Variants in NECAB1 observed in about 807,000 individuals in gnomAD.
NECAB1 encodes N-terminal EF-hand calcium-binding protein 1.
A neutral mutation model predicts 57.5 loss-of-function variants in NECAB1; 29 were observed. That is an observed-to-expected ratio of 0.50 (90% CI 0.38 to 0.69). The LOEUF is 0.69. Ranked by LOEUF, NECAB1 falls within the 30% of genes least tolerant of loss-of-function variation. The pLI is 0.00. For synonymous variants in NECAB1, 142 were observed against 147.7 expected (o/e 0.96, Z 0.28); for missense variants, 372 against 413.8 (o/e 0.90, Z 0.88).
intron 4 of NECAB1, among the ~76,000 whole-genome samples, chr8:90,880,832 G>A (rs1808823337): frequency 6.6e-6 from 1 of 152,070 alleles, no homozygotes; most frequent in African/African-American, 2.4e-5. Flanking sequence ...TAATCATTCA[G>A]ATTTCCTTTT....
At chr8:90,844,837 A>G (rs1352310960) in intron 3 of NECAB1, among the ~76,000 whole-genome samples, 1 of 152,216 alleles carries the variant, frequency 6.6e-6, no homozygotes, top group East Asian at 1.9e-4. Flanking sequence ...TTTTAATTGA[A>G]AAGTTAAAAA....
At chr8:90,814,747 C>T (rs933705337) in intron 2 of NECAB1, among the ~76,000 whole-genome samples, 6 of 152,002 alleles carry the variant, frequency 3.9e-5, no homozygotes, top group Non-Finnish European at 8.8e-5. Context: ...ATGCTTCAGG[C>T]TCATCTTTTA....
intron 6 of NECAB1, 119 bp from the exon 7 acceptor site, chr8:90,925,416 C>A: frequency 8.9e-7 from 1 of 1,120,654 alleles, no homozygotes; most frequent in South Asian, 1.6e-5. Flanking sequence ...CAGTCATTCT[C>A]ATAAGTTTTC....
intron 2 of NECAB1, among the ~76,000 whole-genome samples, chr8:90,817,045 C>T (rs914332270): frequency 3.3e-5 from 5 of 151,726 alleles, no homozygotes; most frequent in Non-Finnish European, 7.4e-5. Context: ...GTTGGATCTA[C>T]ACCAAACTAT....
At chr8:90,924,736 A>G (rs1257938302) in intron 6 of NECAB1, among the ~76,000 whole-genome samples, 1 of 152,174 alleles carries the variant, frequency 6.6e-6, no homozygotes, top group East Asian at 1.9e-4. Context: ...GACAAAAGGG[A>G]TCCCTTCTAG....
intron 3 of NECAB1, among the ~76,000 whole-genome samples, chr8:90,852,569 A>T (rs754605569): frequency 4.6e-5 from 7 of 151,932 alleles, no homozygotes; most frequent in Admixed American, 1.3e-4. Context: ...TTCCTAAACC[A>T]CCCATGGCCC....
At chr8:90,936,350 A>C (rs1413324001) in intron 9 of NECAB1, among the ~76,000 whole-genome samples, 2 of 152,188 alleles carry the variant, frequency 1.3e-5, no homozygotes, top group African/African-American at 4.8e-5. Flanking sequence ...TTGAAATGCT[A>C]ATCTTTACTG....
At chr8:90,845,638 A>G (rs1812542126) in intron 3 of NECAB1, among the ~76,000 whole-genome samples, 1 of 152,252 alleles carries the variant, frequency 6.6e-6, no homozygotes, top group Non-Finnish European at 1.5e-5. Context: ...ACCTCAAGGT[A>G]CAACACAGTA....
At chr8:90,845,151 A>G (rs1812532033) in intron 3 of NECAB1, among the ~76,000 whole-genome samples, 1 of 152,172 alleles carries the variant, frequency 6.6e-6, no homozygotes, top group Non-Finnish European at 1.5e-5. Context: ...TACTTTGTCC[A>G]TATTCCTTTG....
At position 90,791,925 on chromosome 8, in the gene NECAB1, C is replaced by G; in HGVS notation, c.39C>G (p.Asn13Lys). ...AGGAGACATCGCCGTCCTCCAACAA[C>G]TCCTCGGAGGAGCTCAGCTCTGCTC... ...DSQETSPSSN[N>K]SSEELSSALH... is the part of the protein sequence containing the mutation. Residue 13 changes from asparagine to lysine, a missense_variant, in exon 1 of 13, where the codon AAC (asparagine) becomes AAG (lysine). Asn to Lys is a moderately conservative substitution (Grantham distance 94). Coordinates refer to ENST00000417640, the MANE Select transcript of NECAB1 (RefSeq NM_022351.5). 6.4e-7 allele frequency: 1 copy of G among 1,552,558 alleles called. No homozygotes were observed. The highest frequency in any genetic ancestry group is 8.7e-7 in the Non-Finnish European group (1 of 1,147,534).
Position 90,891,540 on chromosome 8 carries a change from A to T in NECAB1, c.357+10410A>T, listed in dbSNP as rs182715536. ...ACAAATATTACCTATTCCCATATATAAAAAAATGTAATAGAACCAAGAATT... is the reference window on the plus strand; with the variant it reads ...ACAAATATTACCTATTCCCATATATTAAAAAATGTAATAGAACCAAGAATT... On this transcript the variant is annotated intron_variant, in intron 5 of 12. Transcript: ENST00000417640. Among the ~76,000 whole-genome samples, 675 of 152,164 alleles carry T rather than the reference A, an allele frequency of 4.4e-3. 4 individuals carry two copies. Among genetic ancestry groups the T allele is most frequent in the Middle Eastern group, 0.01 (3 of 294 alleles).
At position 90,795,867 on chromosome 8, in the gene NECAB1, A is replaced by T. The variant is rs191167579; in HGVS notation, c.99+3882A>T. ...AAACAGCAGAAATTAGGAAAAAAAA[A>T]TTTAATGCATGCTGGGCTTAATACC... is the stretch of plus-strand genomic sequence containing the variant. On this transcript the variant is annotated intron_variant, in intron 1 of 12. Transcript: ENST00000417640. Among the ~76,000 whole-genome samples, 363 of 152,272 alleles carry T rather than the reference A, an allele frequency of 2.4e-3. 3 individuals carry two copies. The highest frequency in any genetic ancestry group is 8.1e-3 in the African/African-American group (335 of 41,540).
intron 6 of NECAB1, among the ~76,000 whole-genome samples, chr8:90,922,341 T>C (rs1810135489): frequency 6.6e-6 from 1 of 152,144 alleles, no homozygotes; most frequent in African/African-American, 2.4e-5. Context: ...TTGATAGTTG[T>C]CTATTATAGA....
intron 5 of NECAB1, among the ~76,000 whole-genome samples, chr8:90,886,614 A>C (rs1808998973): frequency 6.6e-6 from 1 of 151,916 alleles, no homozygotes; most frequent in Non-Finnish European, 1.5e-5. Context: ...CAAACTCCTG[A>C]GCTCAGGTGA....
chr8:90,955,249 C>T (rs1031458106), intron 12 of NECAB1, among the ~76,000 whole-genome samples: 1 of 149,082 alleles, frequency 6.7e-6, no homozygotes, highest in Non-Finnish European at 1.5e-5. Context: ...AAGTTCTATT[C>T]ACATAGAACA....
At chr8:90,851,172 C>G (rs529821453) in intron 3 of NECAB1, among the ~76,000 whole-genome samples, 19 of 152,342 alleles carry the variant, frequency 1.2e-4, no homozygotes, top group Middle Eastern at 6.8e-3. Flanking sequence ...CATGGAAGCT[C>G]CATGCACCAC....
At chr8:90,882,642 T>C (rs1808866551) in intron 5 of NECAB1, among the ~76,000 whole-genome samples, 1 of 152,136 alleles carries the variant, frequency 6.6e-6, no homozygotes, top group Admixed American at 6.5e-5. Context: ...CTCTGACCAC[T>C]CTATCTAAAA....
rs184292899 is a variant in NECAB1 at position 90,925,399 on chromosome 8, T to G, written c.495-136T>G. ...AAATTACATTGGGTTTCTAGAGCAT[T>G]TACAAGCAGTCATTCTCATAAGTTT... On this transcript the variant is annotated intron_variant, in intron 6 of 12. Transcript: ENST00000417640. 295 of 899,990 alleles carry G rather than the reference T, an allele frequency of 3.3e-4. 2 individuals are homozygous for G. Among genetic ancestry groups the G allele is most frequent in the Non-Finnish European group, 4.3e-4 (261 of 604,594 alleles). The allele number at this position is 899,990 out of a possible 1,614,324, so 55.8% of individuals were successfully genotyped here.
At position 90,957,193 on chromosome 8, in the gene NECAB1, CTT is replaced by C. The variant is rs952511533; in HGVS notation, c.*1683_*1684del. 1 of 151,958 alleles carries C rather than the reference CTT, an allele frequency of 6.6e-6. No homozygotes were observed. The highest frequency in any genetic ancestry group is 1.5e-5 in the Non-Finnish European group (1 of 67,922). 9.4% of individuals were successfully genotyped at this position (151,958 alleles called of 1,614,324 possible). A position where few individuals can be genotyped will look rare whatever the true frequency, so the allele number is the denominator to read the frequency against. On this transcript the variant is annotated 3_prime_UTR_variant, in exon 13 of 13. Coordinates refer to ENST00000417640, the MANE Select transcript of NECAB1 (RefSeq NM_022351.5). ...TATATAGTAAGAAAAGATCAAAAGA[CTT>C]TAAAACCTAAATGACTTTTGACATA... is the stretch of plus-strand genomic sequence containing the variant.
Sources: gnomAD v4.1 joint callset for allele counts (sites outside exome capture counted in the v4.1 genomes callset) on GRCh38, gnomAD v4.1.1 for gene constraint, MANE v1.5 for transcripts, NCBI Gene and HGNC (gene_info 2026-07-23, HGNC 2026-07-21) for gene names.